Variants in RASA3 observed in about 807,000 individuals in gnomAD.
RASA3 encodes RAS p21 protein activator 3, also known as ras GTPase-activating protein 3.
Under a neutral mutation model 110.0 loss-of-function variants are expected in RASA3, and 73 were observed. The ratio of observed to expected loss-of-function variants is 0.66; its 90% CI spans 0.55 to 0.81. The LOEUF (loss-of-function observed/expected upper bound fraction) is 0.81, where lower values mean the gene tolerates loss of function less well. Among genes scored for constraint, RASA3 ranks in the 30% least tolerant of loss-of-function variants. The pLI, the probability that RASA3 is intolerant of heterozygous loss-of-function variation, is 0.00. For missense variants in RASA3, 976 were observed against 1,113.2 expected (o/e 0.88, Z 1.75); for synonymous variants, 500 against 451.4 (o/e 1.11, Z -1.37).
chr13:114,072,877 G>C (rs957963579), intron 2 of RASA3, among the ~76,000 whole-genome samples: 1 of 139,894 alleles, frequency 7.1e-6, no homozygotes, highest in Non-Finnish European at 1.5e-5. Context: ...TCTACACACA[G>C]AAAAATTCTC....
intron 16 of RASA3, among the ~76,000 whole-genome samples, chr13:114,009,804 C>T (rs1479487477): frequency 6.6e-6 from 1 of 152,240 alleles, no homozygotes; most frequent in Non-Finnish European, 1.5e-5. Flanking sequence ...TGCCTGGGAA[C>T]CTGGAGTCAT....
At position 114,089,958 on chromosome 13, in the gene RASA3, C is replaced by T. The variant is rs549961528; in HGVS notation, c.56-16121G>A. On this transcript the variant is annotated intron_variant, in intron 1 of 23. Transcript: ENST00000334062. The stretch of plus-strand genomic sequence containing the variant: ...GAACGTCCTGTCTTCAAGGTTCGCC[C>T]GTGCTTAGCCCGTCACAGCTCTGCC... Among the ~76,000 whole-genome samples the T allele has an allele frequency of 7.2e-5, 11 of 152,280 alleles. No individual in the cohort carries two copies. In the South Asian group the frequency reaches 1.0e-3, roughly 14 times the overall value.
chr13:114,041,184 C>A (rs1449192052), intron 3 of RASA3, 90 bp from the exon 4 acceptor site: 3 of 1,111,754 alleles, frequency 2.7e-6, no homozygotes, highest in Admixed American at 1.8e-5. Flanking sequence ...ATCACCGCAG[C>A]TTATTTCCAA....
chr13:114,070,947 GGCGCCACA>G (rs2079561114), intron 2 of RASA3, among the ~76,000 whole-genome samples: 1 of 118,588 alleles, frequency 8.4e-6, no homozygotes, highest in Admixed American at 8.7e-5. Context: ...CACGCTAAAC[GGCGCCACA>G]GTGTTACACG....
intron 1 of RASA3, among the ~76,000 whole-genome samples, chr13:114,113,358 C>T (rs1336222996): frequency 2.0e-5 from 3 of 152,182 alleles, no homozygotes; most frequent in Non-Finnish European, 2.9e-5. Context: ...TGGCAAGGAA[C>T]GGAAGGAGAA....
chr13:114,105,231 C>T (rs1380559973), intron 1 of RASA3, among the ~76,000 whole-genome samples: 5 of 152,082 alleles, frequency 3.3e-5, no homozygotes, highest in Non-Finnish European at 7.4e-5. Flanking sequence ...CCCACGCAAG[C>T]CCCCACCCTG....
chr13:114,027,031 C>G (rs1372177226), intron 7 of RASA3, among the ~76,000 whole-genome samples: 1 of 152,256 alleles, frequency 6.6e-6, no homozygotes, highest in South Asian at 2.1e-4. Context: ...AAAACAAAAA[C>G]CCCCAAGGTC....
intron 20 of RASA3, among the ~76,000 whole-genome samples, chr13:113,998,958 G>T (rs1478763529): frequency 1.3e-5 from 2 of 152,252 alleles, no homozygotes; most frequent in African/African-American, 4.8e-5. Flanking sequence ...TGGTTTTGGG[G>T]ACTGCACGGT....
chr13:113,998,442 C>T (rs2053306364), intron 20 of RASA3, among the ~76,000 whole-genome samples: 1 of 152,240 alleles, frequency 6.6e-6, no homozygotes, highest in Non-Finnish European at 1.5e-5. Flanking sequence ...TGGCACGAGG[C>T]CCAGGGACTG....
chr13:114,116,516 G>A (rs1397437295), intron 1 of RASA3, among the ~76,000 whole-genome samples: 2 of 117,992 alleles, frequency 1.7e-5, no homozygotes, highest in South Asian at 2.8e-4. Context: ...TGCACCTTAC[G>A]GCACACGAAC....
intron 18 of RASA3, among the ~76,000 whole-genome samples, chr13:114,005,783 T>A (rs2053503874): frequency 1.8e-5 from 2 of 111,854 alleles, no homozygotes; most frequent in East Asian, 2.8e-4. Context: ...TTCTCCCCCC[T>A]CCTGCCCTGC....
intron 1 of RASA3, among the ~76,000 whole-genome samples, chr13:114,099,004 C>G (rs929085651): frequency 5.1e-5 from 5 of 97,710 alleles, no homozygotes; most frequent in South Asian, 4.2e-4. Context: ...GCCACCCGAG[C>G]CCCCCAGACC....
chr13:114,022,444 A>G (rs986118146), intron 8 of RASA3, among the ~76,000 whole-genome samples: 3 of 152,112 alleles, frequency 2.0e-5, no homozygotes, highest in Non-Finnish European at 4.4e-5. Context: ...ACACAGTTAC[A>G]CGTGGCCAGC....
chr13:113,981,485 G>C (rs574416466), intron 23 of RASA3, among the ~76,000 whole-genome samples, 190 bp downstream of exon 23: 2 of 152,306 alleles, frequency 1.3e-5, no homozygotes, highest in African/African-American at 4.8e-5. Flanking sequence ...CTCTGAAGGA[G>C]GGACCAGCAG....
chr13:114,007,974 A>ACG (rs2053554748), intron 17 of RASA3, among the ~76,000 whole-genome samples: 1 of 115,208 alleles, frequency 8.7e-6, no homozygotes, highest in Non-Finnish European at 1.8e-5. Context: ...GGTTGCCCCC[A>ACG]CGCACCGCGT....
intron 18 of RASA3, among the ~76,000 whole-genome samples, chr13:114,001,449 G>T (rs1213012606): frequency 7.4e-6 from 1 of 134,238 alleles, no homozygotes; most frequent in Non-Finnish European, 1.7e-5. Context: ...TCGGGGTCAG[G>T]GTGGGCAGTG....
chr13:114,038,719 A>T (rs2139447966), intron 4 of RASA3, among the ~76,000 whole-genome samples: 1 of 139,090 alleles, frequency 7.2e-6, no homozygotes, highest in South Asian at 2.4e-4. Flanking sequence ...TTCCCAGAGG[A>T]CGAGGGTTCC....
chr13:114,130,221 T>A (rs114901176), intron 1 of RASA3, among the ~76,000 whole-genome samples: 1 of 152,176 alleles, frequency 6.6e-6, no homozygotes, highest in Admixed American at 6.5e-5. Context: ...CCCCAGCTAC[T>A]TGGGGCACAG....
chr13:114,005,840 C>A lies in RASA3; in HGVS notation c.1742+1693G>T, dbSNP rs1314673572. ...CCCCTCCTGCCCTGCCGGACGCCAC[C>A]TTACCCTTCTCCCCTCCTGCCCTGC... On this transcript the variant is annotated intron_variant, in intron 18 of 23. Transcript: ENST00000334062. Among the ~76,000 whole-genome samples the A allele has an allele frequency of 8.4e-4, 87 of 103,002 alleles. 4 individuals are homozygous for A. Among genetic ancestry groups the A allele is most frequent in the African/African-American group, 2.0e-3 (45 of 23,026 alleles). The allele number at this position is 103,002 out of a possible 152,430, so 67.6% of individuals were successfully genotyped here.
Sources: gnomAD v4.1 joint callset for allele counts (sites outside exome capture counted in the v4.1 genomes callset) on GRCh38, gnomAD v4.1.1 for gene constraint, MANE v1.5 for transcripts, NCBI Gene and HGNC (gene_info 2026-07-23, HGNC 2026-07-21) for gene names.